Variants in ITPR2 observed in about 807,000 individuals in gnomAD.
ITPR2 encodes inositol 1,4,5-trisphosphate receptor type 2.
In ITPR2, 207 loss-of-function variants were observed where a neutral mutation model predicts 317.1. That is an observed-to-expected ratio of 0.65 (90% CI 0.58 to 0.73). ITPR2 has a LOEUF of 0.73. ITPR2 is among the 30% of genes least tolerant of loss of function. The pLI, the probability that ITPR2 is intolerant of heterozygous loss-of-function variation, is 0.00. For synonymous variants in ITPR2, 1,156 were observed against 1,149.1 expected (o/e 1.01, Z -0.12); for missense variants, 2,613 against 3,284.0 (o/e 0.80, Z 4.99).
chr12:26,682,489 G>A, intron 12 of ITPR2, 85 bp downstream of exon 12: 1 of 809,946 alleles, frequency 1.2e-6, no homozygotes, highest in South Asian at 1.6e-5. Context: ...TGGAGTATAA[G>A]GAACATGTGT....
intron 5 of ITPR2, among the ~76,000 whole-genome samples, chr12:26,716,813 CG>C (rs1287571985): frequency 6.6e-6 from 1 of 152,044 alleles, no homozygotes; most frequent in Admixed American, 6.6e-5. Flanking sequence ...CTTGGGCATC[CG>C]ATTCACTCAT....
At chr12:26,398,492 G>A (rs1398388461) in intron 54 of ITPR2, among the ~76,000 whole-genome samples, 1 of 152,198 alleles carries the variant, frequency 6.6e-6, no homozygotes, top group Non-Finnish European at 1.5e-5. Context: ...TCAGTGAGTA[G>A]AAGTTCAAGA....
chr12:26,637,401 A>AC (rs1329875388), intron 21 of ITPR2, among the ~76,000 whole-genome samples: 1 of 152,166 alleles, frequency 6.6e-6, no homozygotes, highest in Non-Finnish European at 1.5e-5. Flanking sequence ...AAATTATCTT[A>AC]GAGTGAGGGC....
At chr12:26,486,411 A>AT in intron 40 of ITPR2, 51 bp from the exon 41 acceptor site, 13 of 1,237,294 alleles carry the variant, frequency 1.1e-5, no homozygotes, top group Middle Eastern at 2.0e-4. Flanking sequence ...GCTTTTACTA[A>AT]TTAAAAAAAA....
At position 26,632,776 on chromosome 12, in the gene ITPR2, G is replaced by A. The variant is rs543319492; in HGVS notation, c.2741-717C>T. ...ATGAGGGAGGGATCACGCTCTTTCC[G>A]TCTCTTTCTGAATTTGGCTTCTCCT... On this transcript the variant is annotated intron_variant, in intron 21 of 56. Coordinates refer to ENST00000381340, the MANE Select transcript of ITPR2 (RefSeq NM_002223.4). 7.9e-5 allele frequency among the ~76,000 whole-genome samples: 12 copies of A among 152,272 alleles called. No individual in the cohort carries two copies. In the South Asian group the frequency reaches 1.0e-3, roughly 13 times the overall value.
At chr12:26,340,514 C>T (rs1938073996) in intron 55 of ITPR2, among the ~76,000 whole-genome samples, 186 bp from the exon 56 acceptor site, 1 of 152,080 alleles carries the variant, frequency 6.6e-6, no homozygotes, top group African/African-American at 2.4e-5. Context: ...GGGGAAGACC[C>T]CAAATATTGA....
intron 55 of ITPR2, among the ~76,000 whole-genome samples, chr12:26,351,060 T>C (rs1347556564): frequency 1.3e-5 from 2 of 152,102 alleles, no homozygotes; most frequent in Admixed American, 6.5e-5. Flanking sequence ...CTCTTATCAA[T>C]AACTTTAGCA....
At chr12:26,414,608 A>C (rs1565513561) in intron 51 of ITPR2, among the ~76,000 whole-genome samples, 1 of 152,142 alleles carries the variant, frequency 6.6e-6, no homozygotes. Context: ...AAGGTAGGAA[A>C]GGGAGAAAAA....
intron 45 of ITPR2, among the ~76,000 whole-genome samples, chr12:26,446,732 C>CAG (rs1555129186): frequency 8.1e-6 from 1 of 122,772 alleles, no homozygotes; most frequent in African/African-American, 3.0e-5. Context: ...AAAAGGGACT[C>CAG]AAAAAAAAAA....
chr12:26,769,025 A>ACACACACACACC (rs1441493996), intron 2 of ITPR2, among the ~76,000 whole-genome samples: 1 of 149,808 alleles, frequency 6.7e-6, no homozygotes, highest in East Asian at 2.0e-4. Flanking sequence ...ACACACACAC[A>ACACACACACACC]CCCCAATCTC....
At chr12:26,604,688 A>C (rs1164503254) in intron 26 of ITPR2, among the ~76,000 whole-genome samples, 1 of 152,244 alleles carries the variant, frequency 6.6e-6, no homozygotes, top group South Asian at 2.1e-4. Flanking sequence ...TAGCTATCAT[A>C]ATGAATATTT....
chr12:26,621,136 T>C lies in ITPR2; in HGVS notation c.3449A>G (p.Glu1150Gly). ...CTTGAAACGAACCTCAATTGGCTCTTCACCACCTTTCACTTGACTTTCCCC... is the reference window on the plus strand; with the variant it reads ...CTTGAAACGAACCTCAATTGGCTCTCCACCACCTTTCACTTGACTTTCCCC... ...EIGESQVKGG[E>G]EPIEESNILS... is the part of the protein sequence containing the mutation. The change falls in exon 26 of 57, where the codon GAA becomes GGA. Residue 1150 changes from glutamate (E) to glycine (G), a missense_variant. This residue lies in a region of ITPR2 where 817 missense variants were observed against 897.6 expected (regional missense o/e 0.91). Transcript: ENST00000381340. 6.2e-7 allele frequency: 1 copy of C among 1,613,208 alleles called. No homozygotes were observed. Among genetic ancestry groups the C allele is most frequent in the Non-Finnish European group, 8.5e-7 (1 of 1,179,550 alleles).
chr12:26,358,589 T>C (rs570674295), intron 55 of ITPR2, among the ~76,000 whole-genome samples: 1 of 152,220 alleles, frequency 6.6e-6, no homozygotes, highest in African/African-American at 2.4e-5. Context: ...AAACTACTTA[T>C]TCTCATATGT....
At chr12:26,714,780 C>T (rs528030236) in intron 8 of ITPR2, among the ~76,000 whole-genome samples, 1 of 152,242 alleles carries the variant, frequency 6.6e-6, no homozygotes, top group South Asian at 2.1e-4. Flanking sequence ...ATTACTCTAC[C>T]ATGTTCCACA....
intron 12 of ITPR2, 136 bp from the exon 13 acceptor site, chr12:26,682,170 T>C: frequency 1.5e-6 from 1 of 677,314 alleles, no homozygotes; most frequent in Non-Finnish European, 2.5e-6. Flanking sequence ...ACATGCATCA[T>C]CCACTATGAA....
chr12:26,685,953 T>C (rs1948116767), intron 11 of ITPR2, among the ~76,000 whole-genome samples: 1 of 152,220 alleles, frequency 6.6e-6, no homozygotes, highest in Admixed American at 6.5e-5. Flanking sequence ...TTTTATTACC[T>C]GACCTTATAT....
chr12:26,743,013 G>A (rs1949260682), intron 2 of ITPR2, among the ~76,000 whole-genome samples: 1 of 152,218 alleles, frequency 6.6e-6, no homozygotes, highest in African/African-American at 2.4e-5. Context: ...AATTGGGAGT[G>A]ACTGCTAATG....
chr12:26,346,081 T>A (rs1383770374), intron 55 of ITPR2, among the ~76,000 whole-genome samples: 4 of 152,218 alleles, frequency 2.6e-5, no homozygotes, highest in African/African-American at 9.6e-5. Flanking sequence ...GAGGCTATAA[T>A]GTATGGTCCT....
intron 8 of ITPR2, among the ~76,000 whole-genome samples, chr12:26,713,214 A>G (rs930439328): frequency 3.3e-5 from 5 of 152,204 alleles, no homozygotes; most frequent in African/African-American, 1.2e-4. Context: ...AGATAAGCCC[A>G]TGTCCCCCAC....
Sources: allele counts gnomAD v4.1 joint callset (sites outside exome capture counted in the v4.1 genomes callset), GRCh38; gene constraint gnomAD v4.1.1; regional missense constraint gnomAD v4.1.1; transcripts MANE v1.5; gene names NCBI Gene and HGNC (gene_info 2026-07-23, HGNC 2026-07-21).